ATP6V1A: variants seen among roughly 807,000 people sequenced by gnomAD.
The protein encoded by ATP6V1A is V-type proton ATPase catalytic subunit A.
In ATP6V1A, 18 loss-of-function variants were observed where a neutral mutation model predicts 70.1. The observed-to-expected ratio is 0.26, with a 90% CI of 0.18 to 0.38. The LOEUF is 0.38. ATP6V1A is among the 10% of genes least tolerant of loss of function. ATP6V1A has a pLI of 1.00. For synonymous variants in ATP6V1A, 232 were observed against 253.8 expected, an observed-to-expected ratio of 0.91 and a Z score of 0.82; for missense variants, 424 against 772.4, an observed-to-expected ratio of 0.55 and a Z score of 5.35.
rs147020334 is a variant in ATP6V1A at position 113,785,163 on chromosome 3, C to T, written c.564+330C>T. Among the ~76,000 whole-genome samples the T allele has an allele frequency of 5.9e-3, 903 of 152,218 alleles. 13 individuals are homozygous for T. Among genetic ancestry groups the T allele is most frequent in the African/African-American group, 0.021 (858 of 41,524 alleles). ...TCACATAGTAATTATATAATGGGAC[C>T]GGGCATGTAGGCTCACGCCTGTAAT... On this transcript the variant is annotated intron_variant, in intron 5 of 14. Transcript: ENST00000273398.
intron 1 of ATP6V1A, among the ~76,000 whole-genome samples, chr3:113,756,705 A>T (rs542810397): frequency 6.6e-6 from 1 of 152,368 alleles, no homozygotes; most frequent in East Asian, 1.9e-4. Flanking sequence ...TATACATTGA[A>T]ATTCTATCAA....
chr3:113,779,056 G>T, intron 2 of ATP6V1A: 1 of 343,508 alleles, frequency 2.9e-6, no homozygotes, highest in East Asian at 4.7e-5. Context: ...GTACTACTTT[G>T]TGATATCCTG....
intron 1 of ATP6V1A, among the ~76,000 whole-genome samples, chr3:113,747,806 T>C (rs1310860481): frequency 6.6e-6 from 1 of 152,156 alleles, no homozygotes. Context: ...ACAGTCTCGA[T>C]TGAATGAGGA....
chr3:113,772,933 CTTTTTT>C (rs762901487), intron 1 of ATP6V1A, among the ~76,000 whole-genome samples: 1 of 90,426 alleles, frequency 1.1e-5, no homozygotes, highest in African/African-American at 4.5e-5. Flanking sequence ...TTAATATTGG[CTTTTTT>C]TTTTTTTTTT....
rs555121710 is a variant in ATP6V1A, at chr3:113,789,831, A to G, written c.979A>G (p.Ile327Val). ...GCCTGTTGCTGCTAGAGAAGCCTCT[A>G]TTTATACTGGTGAGTATATAATTGG... The part of the protein sequence containing the change: ...NMPVAAREAS[I>V]YTGITLSEYF... Residue 327 changes from isoleucine to valine, a missense_variant, in exon 8 of 15, where the codon ATT (isoleucine) becomes GTT (valine). Physicochemically the swap from Ile to Val is conservative, Grantham distance 29. Around this residue, in one of 9 missense-constraint regions of ATP6V1A, gnomAD observed 58 missense variants for 181.5 expected, o/e 0.32. Coordinates refer to ENST00000273398, the MANE Select transcript of ATP6V1A (RefSeq NM_001690.4). 10 of 1,594,926 alleles carry G rather than the reference A, an allele frequency of 6.3e-6. No homozygotes were observed. The highest frequency in any genetic ancestry group is 4.5e-5 in the East Asian group (2 of 44,762).
At chr3:113,769,676 T>G (rs1231316879) in intron 1 of ATP6V1A, among the ~76,000 whole-genome samples, 1 of 152,148 alleles carries the variant, frequency 6.6e-6, no homozygotes, top group Non-Finnish European at 1.5e-5. Context: ...GAAAAAAATT[T>G]TTTCCTCTGG....
intron 1 of ATP6V1A, among the ~76,000 whole-genome samples, chr3:113,774,061 GAA>G (rs11300144): frequency 1.2e-4 from 17 of 147,074 alleles, no homozygotes; most frequent in African/African-American, 2.2e-4. Context: ...TGATAACTAG[GAA>G]AAAAAAAAAA....
intron 11 of ATP6V1A, 135 bp from the exon 12 acceptor site, chr3:113,798,107 TG>T: frequency 2.3e-6 from 2 of 862,518 alleles, no homozygotes; most frequent in Non-Finnish European, 3.5e-6. Flanking sequence ...CACTCCAGCC[TG>T]GGTGACAGAG....
Position 113,811,269 on chromosome 3 carries a change from A to G in ATP6V1A, c.*1842A>G, listed in dbSNP as rs1389801898. ...GCCTATCTCTTGGTCTATTAAGGAA[A>G]GAAGCAATCAGTAGAGAATTCAGGA... On this transcript the variant is annotated 3_prime_UTR_variant, in exon 15 of 15. Coordinates refer to ENST00000273398, the MANE Select transcript of ATP6V1A (RefSeq NM_001690.4). The G allele has an allele frequency of 6.6e-6, 1 of 152,518 alleles. No homozygotes were observed. Among genetic ancestry groups the G allele is most frequent in the East Asian group, 1.9e-4 (1 of 5,198 alleles). 9.4% of individuals were successfully genotyped at this position (152,518 alleles called of 1,614,324 possible). A position where few individuals can be genotyped will look rare whatever the true frequency, so the allele number is the denominator to read the frequency against.
chr3:113,790,242 G>A (rs1202953217), intron 8 of ATP6V1A, among the ~76,000 whole-genome samples: 1 of 146,950 alleles, frequency 6.8e-6, no homozygotes, highest in Admixed American at 7.0e-5. Context: ...GGCAGAGGTT[G>A]CAGCGAGCCG....
chr3:113,790,302 CAAA>C (rs773821991), intron 8 of ATP6V1A, among the ~76,000 whole-genome samples: 3 of 24,506 alleles, frequency 1.2e-4, no homozygotes, highest in Admixed American at 8.5e-4. Context: ...GACTCTGTCT[CAAA>C]AAAAAAAAAA....
chr3:113,795,496 G>A (rs1466452901), intron 10 of ATP6V1A, among the ~76,000 whole-genome samples: 4 of 151,614 alleles, frequency 2.6e-5, no homozygotes, highest in Non-Finnish European at 2.9e-5. Flanking sequence ...ATAATAAGGT[G>A]AGATTGCATC....
chr3:113,783,661 A>G (rs1330484894), intron 3 of ATP6V1A, among the ~76,000 whole-genome samples: 1 of 152,204 alleles, frequency 6.6e-6, no homozygotes, highest in African/African-American at 2.4e-5. Flanking sequence ...AAACACAGGA[A>G]TGTTAGACAT....
At chr3:113,788,063 G>A (rs1053789203) in intron 6 of ATP6V1A, among the ~76,000 whole-genome samples, 2 of 152,128 alleles carry the variant, frequency 1.3e-5, no homozygotes, top group African/African-American at 4.8e-5. Flanking sequence ...TAGGCCATGG[G>A]CATGCACCAC....
chr3:113,797,299 C>G (rs1709163459), intron 11 of ATP6V1A, among the ~76,000 whole-genome samples: 1 of 149,990 alleles, frequency 6.7e-6, no homozygotes, highest in Non-Finnish European at 1.5e-5. Flanking sequence ...ATCATGCAGG[C>G]TGGAGTGCAG....
intron 1 of ATP6V1A, among the ~76,000 whole-genome samples, chr3:113,772,224 G>A (rs1224913129): frequency 6.6e-6 from 1 of 152,208 alleles, no homozygotes; most frequent in Non-Finnish European, 1.5e-5. Context: ...AGGCAAGGCA[G>A]CACTCTGCAT....
intron 14 of ATP6V1A, among the ~76,000 whole-genome samples, chr3:113,806,141 C>T (rs1019328092): frequency 3.3e-5 from 5 of 152,002 alleles, no homozygotes; most frequent in African/African-American, 1.2e-4. Context: ...AGGTGTGGGG[C>T]ACACACCTGT....
chr3:113,756,395 C>T (rs1708647451), intron 1 of ATP6V1A, among the ~76,000 whole-genome samples: 1 of 152,158 alleles, frequency 6.6e-6, no homozygotes, highest in Non-Finnish European at 1.5e-5. Context: ...AAGGTAAGTA[C>T]AATTTGAATT....
chr3:113,785,584 C>A (rs570241751), intron 5 of ATP6V1A, among the ~76,000 whole-genome samples: 130 of 138,254 alleles, frequency 9.4e-4, no homozygotes, highest in African/African-American at 3.4e-3. Flanking sequence ...TCATAGCTCA[C>A]TGTAGCCTCA....
Sources: allele counts gnomAD v4.1 joint callset (sites outside exome capture counted in the v4.1 genomes callset), GRCh38; gene constraint gnomAD v4.1.1; regional missense constraint gnomAD v4.1.1; transcripts MANE v1.5; gene names NCBI Gene and HGNC (gene_info 2026-07-23, HGNC 2026-07-21).